KCNIP1: variants seen among roughly 807,000 people sequenced by gnomAD.
KCNIP1 encodes the protein potassium voltage-gated channel interacting protein 1.
Under a neutral mutation model 33.0 loss-of-function variants are expected in KCNIP1, and 18 were observed. The ratio of observed to expected loss-of-function variants is 0.55; its 90% CI spans 0.38 to 0.81. The LOEUF (loss-of-function observed/expected upper bound fraction) is 0.81, where lower values mean the gene tolerates loss of function less well. Among genes scored for constraint, KCNIP1 ranks in the 30% least tolerant of loss-of-function variants. The probability of loss-of-function intolerance (pLI) is 0.00; values close to 1 mark genes in which losing one functional copy is unlikely to be tolerated. For missense variants in KCNIP1, 238 were observed against 271.6 expected, an observed-to-expected ratio of 0.88 and a Z score of 0.87; for synonymous variants, 93 against 98.3, an observed-to-expected ratio of 0.95 and a Z score of 0.32.
rs1426702193 is a variant in KCNIP1, at chr5:170,530,396, C to A, written c.61+25763C>A. On this transcript the variant is annotated intron_variant, in intron 1 of 7. Transcript: ENST00000328939. ...TACTATGATGCTGATATTACTCTTC[C>A]CATTTTGTAGATAAAGAAACTGGGA... 2.0e-5 allele frequency among the ~76,000 whole-genome samples: 3 copies of A among 152,208 alleles called. No individual in the cohort carries two copies. In the South Asian group the frequency reaches 6.2e-4, roughly 31 times the overall value.
At chr5:170,521,835 C>T (rs775312974) in intron 1 of KCNIP1, among the ~76,000 whole-genome samples, 1 of 152,208 alleles carries the variant, frequency 6.6e-6, no homozygotes, top group Non-Finnish European at 1.5e-5. Flanking sequence ...TAGGCTGAAA[C>T]ATAGAATTGT....
chr5:170,572,062 G>A (rs1261893315), intron 1 of KCNIP1, among the ~76,000 whole-genome samples: 1 of 152,100 alleles, frequency 6.6e-6, no homozygotes, highest in Non-Finnish European at 1.5e-5. Context: ...GGAAGTGATG[G>A]GGGCTGGGGT....
intron 1 of KCNIP1, among the ~76,000 whole-genome samples, chr5:170,446,377 TTTGAG>T (rs1237494073): frequency 6.7e-5 from 10 of 149,600 alleles, no homozygotes; most frequent in African/African-American, 2.5e-4. Context: ...CAAGTCTTGC[TTTGAG>T]TTATTTGTGT....
intron 1 of KCNIP1, among the ~76,000 whole-genome samples, chr5:170,578,125 T>G (rs957351050): frequency 6.6e-6 from 1 of 152,086 alleles, no homozygotes; most frequent in Non-Finnish European, 1.5e-5. Flanking sequence ...GCTCTAAACC[T>G]CAGAGGCCCC....
chr5:170,685,272 G>T (rs1289812644), intron 1 of KCNIP1, among the ~76,000 whole-genome samples: 1 of 151,390 alleles, frequency 6.6e-6, no homozygotes, highest in East Asian at 1.9e-4. Context: ...ATCCAGAGTT[G>T]CCCAAACCCA....
At chr5:170,555,605 C>T (rs1240070490) in intron 1 of KCNIP1, among the ~76,000 whole-genome samples, 1 of 152,170 alleles carries the variant, frequency 6.6e-6, no homozygotes, top group Non-Finnish European at 1.5e-5. Flanking sequence ...TGCCCTCATG[C>T]TCTGCCCCAA....
chr5:170,412,900 C>A (rs955738760), intron 1 of KCNIP1, among the ~76,000 whole-genome samples: 1 of 152,164 alleles, frequency 6.6e-6, no homozygotes, highest in African/African-American at 2.4e-5. Flanking sequence ...TTACACCACA[C>A]ACCTGCCGCC....
chr5:170,503,724 TCACACACACACACACACACACACACACA>T (rs70979180), upstream of KCNIP1, among the ~76,000 whole-genome samples: 1 of 136,472 alleles, frequency 7.3e-6, no homozygotes, highest in Non-Finnish European at 1.6e-5. Context: ...CGCACGCACA[TCACACACACACACACACACACACACACA>T]CACACACACA....
At chr5:170,618,004 A>G (rs1428980327) in intron 1 of KCNIP1, among the ~76,000 whole-genome samples, 1 of 152,218 alleles carries the variant, frequency 6.6e-6, no homozygotes, top group African/African-American at 2.4e-5. Flanking sequence ...TTCAGAATAC[A>G]AAGTACCATT....
intron 1 of KCNIP1, among the ~76,000 whole-genome samples, chr5:170,370,791 C>T (rs1763822942): frequency 6.6e-6 from 1 of 152,178 alleles, no homozygotes; most frequent in Non-Finnish European, 1.5e-5. Flanking sequence ...TGCTTCAAAC[C>T]AGCGGGGTTC....
chr5:170,650,127 T>A (rs1393772405), intron 1 of KCNIP1, among the ~76,000 whole-genome samples: 1 of 152,176 alleles, frequency 6.6e-6, no homozygotes, highest in Non-Finnish European at 1.5e-5. Context: ...TACCCTTTAA[T>A]GTAAATATTC....
intron 1 of KCNIP1, among the ~76,000 whole-genome samples, chr5:170,441,691 C>T (rs191789671): frequency 2.5e-3 from 379 of 152,158 alleles, no homozygotes; most frequent in African/African-American, 8.6e-3. Flanking sequence ...GTGGGCCGGG[C>T]GCCGTGGCTC....
rs116859190 is a variant in KCNIP1 at position 170,717,910 on chromosome 5, T to C, written c.62-848T>C. Among the ~76,000 whole-genome samples the C allele has an allele frequency of 5.3e-5, 8 of 152,316 alleles. No individual in the cohort carries two copies. The East Asian group carries it at 9.6e-4, about 18-fold the overall frequency. ...CAATTGATTCTTGATTGGTGTAAGTTTATAGAACACATTCTGGCAGGGCCC... is the reference window on the plus strand; with the variant it reads ...CAATTGATTCTTGATTGGTGTAAGTCTATAGAACACATTCTGGCAGGGCCC... On this transcript the variant is annotated intron_variant, in intron 1 of 7. Transcript: ENST00000328939.
chr5:170,490,372 A>G (rs1757181373), intron 1 of KCNIP1, among the ~76,000 whole-genome samples: 1 of 152,232 alleles, frequency 6.6e-6, no homozygotes, highest in Non-Finnish European at 1.5e-5. Context: ...ACAATTGAGA[A>G]GCACAAGGGA....
intron 1 of KCNIP1, among the ~76,000 whole-genome samples, chr5:170,653,272 T>G (rs1189904347): frequency 6.6e-6 from 1 of 152,216 alleles, no homozygotes; most frequent in African/African-American, 2.4e-5. Flanking sequence ...ACTCTCCCCC[T>G]GGCTGGACTG....
At chr5:170,555,811 G>T (rs1323108752) in intron 1 of KCNIP1, among the ~76,000 whole-genome samples, 1 of 152,218 alleles carries the variant, frequency 6.6e-6, no homozygotes, top group Non-Finnish European at 1.5e-5. Context: ...GCAGCCTCGG[G>T]AATGGTGACG....
intron 1 of KCNIP1, among the ~76,000 whole-genome samples, chr5:170,474,259 C>T (rs886753313): frequency 6.6e-6 from 1 of 152,096 alleles, no homozygotes; most frequent in Non-Finnish European, 1.5e-5. Flanking sequence ...CCTCCCCTTA[C>T]CCTCCAAGAA....
At chr5:170,624,738 G>GGGGAGAGAGGGGA (rs1759754489) in intron 1 of KCNIP1, among the ~76,000 whole-genome samples, 1 of 116,758 alleles carries the variant, frequency 8.6e-6, no homozygotes, top group African/African-American at 3.2e-5. Context: ...GAGGTGGGGG[G>GGGGAGAGAGGGGA]GGAGAGGGGA....
intron 1 of KCNIP1, among the ~76,000 whole-genome samples, chr5:170,609,711 G>A (rs931518361): frequency 1.3e-5 from 2 of 152,046 alleles, no homozygotes; most frequent in East Asian, 1.9e-4. Flanking sequence ...CAAAAAATTA[G>A]CCAAGCATGG....
Sources: gnomAD v4.1 joint callset for allele counts (sites outside exome capture counted in the v4.1 genomes callset) on GRCh38, gnomAD v4.1.1 for gene constraint, MANE v1.5 for transcripts, NCBI Gene and HGNC (gene_info 2026-07-23, HGNC 2026-07-21) for gene names.